CCNY: variants seen among roughly 807,000 people sequenced by gnomAD.
CCNY encodes the protein cyclin-Y.
A neutral mutation model predicts 42.8 loss-of-function variants in CCNY; 19 were observed. That is an observed-to-expected ratio of 0.44 (90% CI 0.31 to 0.65). CCNY has a LOEUF of 0.65. Among genes scored for constraint, CCNY ranks in the 30% least tolerant of loss-of-function variants. CCNY has a pLI of 0.07. For synonymous variants in CCNY, 165 were observed against 162.7 expected (o/e 1.01, Z -0.11); for missense variants, 370 against 437.3 (o/e 0.85, Z 1.37).
intron 1 of CCNY, among the ~76,000 whole-genome samples, chr10:35,418,987 A>C (rs1190432721): frequency 1.3e-5 from 2 of 151,876 alleles, no homozygotes; most frequent in South Asian, 2.1e-4. Flanking sequence ...CACCCAGCTA[A>C]TTTTTGTATT....
intron 7 of CCNY, among the ~76,000 whole-genome samples, chr10:35,549,086 C>A (rs1287962225): frequency 6.8e-6 from 1 of 146,360 alleles, no homozygotes; most frequent in Admixed American, 6.7e-5. Flanking sequence ...AACTCCGTGC[C>A]CCTCACCACC....
chr10:35,336,996 C>A lies in CCNY; in HGVS notation c.-58C>A, dbSNP rs1836052274. 3.0e-6 allele frequency: 4 copies of A among 1,312,930 alleles called. No homozygotes were observed. The East Asian group carries it at 1.2e-4, about 40-fold the overall frequency. The allele number at this position is 1,312,930 out of a possible 1,614,324, so 81.3% of individuals were successfully genotyped here. ...CGCCCGCGCCCCGCGTCCACCCGCG[C>A]CCCGCTCCCGGGGACTGGGAGAACA... On this transcript the variant is annotated 5_prime_UTR_variant, in exon 1 of 10. Coordinates refer to ENST00000374704, the MANE Select transcript of CCNY (RefSeq NM_145012.6).
chr10:35,330,759 T>TA (rs200353349), intron 3 of CCNY, among the ~76,000 whole-genome samples: 19 of 128,806 alleles, frequency 1.5e-4, no homozygotes, highest in African/African-American at 4.7e-4. Context: ...AGCTTTTATT[T>TA]TTTTTTTTTT....
chr10:35,385,457 T>C (rs1016471802), intron 1 of CCNY, among the ~76,000 whole-genome samples: 1 of 152,366 alleles, frequency 6.6e-6, no homozygotes, highest in South Asian at 2.1e-4. Context: ...GTGTGACCAC[T>C]TTAGTTTTTA....
At position 35,336,524 on chromosome 10, in the gene CCNY, G is replaced by A. The variant is rs929428781; in HGVS notation, c.-530G>A. ...GGCCGCCAGCATCCTCCCTGGCCGC[G>A]CCGCACCGCGCCGCGAGGAGTCCGG... On this transcript the variant is annotated 5_prime_UTR_variant, in exon 1 of 10. Coordinates refer to ENST00000374704, the MANE Select transcript of CCNY (RefSeq NM_145012.6). The A allele has an allele frequency of 6.7e-6, 1 of 149,216 alleles. No individual in the cohort carries two copies. Among genetic ancestry groups the A allele is most frequent in the African/African-American group, 2.4e-5 (1 of 41,036 alleles). The allele number at this position is 149,216 out of a possible 1,614,324, so 9.2% of individuals were successfully genotyped here.
At chr10:35,472,795 G>A (rs1045675014) in intron 1 of CCNY, among the ~76,000 whole-genome samples, 3 of 152,096 alleles carry the variant, frequency 2.0e-5, no homozygotes, top group Non-Finnish European at 4.4e-5. Context: ...ACCATTAATC[G>A]ACTGTAGCCC....
intron 7 of CCNY, among the ~76,000 whole-genome samples, chr10:35,547,159 T>C (rs1841132841): frequency 6.6e-6 from 1 of 152,178 alleles, no homozygotes; most frequent in African/African-American, 2.4e-5. Flanking sequence ...AGAATTCCAC[T>C]GAGCCTCACC....
chr10:35,547,952 T>G (rs1390084401), intron 7 of CCNY, among the ~76,000 whole-genome samples: 1 of 152,162 alleles, frequency 6.6e-6, no homozygotes, highest in African/African-American at 2.4e-5. Flanking sequence ...GTTTTCCATT[T>G]TATTATCAGT....
intron 9 of CCNY, among the ~76,000 whole-genome samples, chr10:35,566,921 C>T (rs893407652): frequency 2.0e-5 from 3 of 151,906 alleles, no homozygotes; most frequent in Non-Finnish European, 4.4e-5. Flanking sequence ...ATTATGTTGG[C>T]CAGGCTGGTC....
chr10:35,449,248 G>GT (rs1838860588), intron 1 of CCNY, among the ~76,000 whole-genome samples: 4 of 146,980 alleles, frequency 2.7e-5, no homozygotes, highest in Admixed American at 2.0e-4. Flanking sequence ...GCAGAGGTGT[G>GT]TGTGAGAAGG....
At chr10:35,553,248 C>T (rs1841297517) in intron 8 of CCNY, 63 bp downstream of exon 8, 6 of 1,557,174 alleles carry the variant, frequency 3.9e-6, no homozygotes, top group African/African-American at 1.4e-5. Flanking sequence ...GGAAAGAAAG[C>T]TGCCTCCTTT....
intron 5 of CCNY, among the ~76,000 whole-genome samples, chr10:35,528,674 G>A (rs189716649): frequency 9.2e-4 from 140 of 152,274 alleles, no homozygotes; most frequent in African/African-American, 3.1e-3. Context: ...GCAGTGAGCC[G>A]AGATTGCACC....
At chr10:35,561,818 G>A (rs1037910944) in intron 8 of CCNY, among the ~76,000 whole-genome samples, 1 of 152,236 alleles carries the variant, frequency 6.6e-6, no homozygotes, top group Admixed American at 6.5e-5. Flanking sequence ...ATCTGTGGGC[G>A]CAGGCTGAAG....
At chr10:35,537,011 G>A (rs945318305) in intron 7 of CCNY, among the ~76,000 whole-genome samples, 4 of 152,164 alleles carry the variant, frequency 2.6e-5, no homozygotes, top group Non-Finnish European at 5.9e-5. Flanking sequence ...CACAGGCCTG[G>A]AGGTCTAGGA....
intron 3 of CCNY, among the ~76,000 whole-genome samples, chr10:35,314,367 A>G (rs1589031542): frequency 6.6e-6 from 1 of 152,054 alleles, no homozygotes; most frequent in East Asian, 1.9e-4. Context: ...AAAAGGGGAA[A>G]CCCCTTATCA....
At chr10:35,319,494 A>G (rs778667183) in intron 3 of CCNY, among the ~76,000 whole-genome samples, 1 of 152,236 alleles carries the variant, frequency 6.6e-6, no homozygotes, top group African/African-American at 2.4e-5. Flanking sequence ...AAAACAAAAA[A>G]AGATTATAAT....
chr10:35,467,703 G>T (rs2135340229), intron 1 of CCNY, among the ~76,000 whole-genome samples: 1 of 152,278 alleles, frequency 6.6e-6, no homozygotes, highest in East Asian at 1.9e-4. Flanking sequence ...GATAGTAGGT[G>T]GATCCCAGTT....
At chr10:35,441,713 C>T (rs930618625) in intron 1 of CCNY, among the ~76,000 whole-genome samples, 1 of 152,178 alleles carries the variant, frequency 6.6e-6, no homozygotes, top group Non-Finnish European at 1.5e-5. Context: ...TGCCACTGCA[C>T]TCCAGCCTGG....
At chr10:35,521,838 T>G (rs1840554237) in intron 4 of CCNY, among the ~76,000 whole-genome samples, 1 of 152,116 alleles carries the variant, frequency 6.6e-6, no homozygotes, top group Non-Finnish European at 1.5e-5. Flanking sequence ...TTTCCCATCT[T>G]AGGTCCCTTG....
Sources: allele counts gnomAD v4.1 joint callset (sites outside exome capture counted in the v4.1 genomes callset), GRCh38; gene constraint gnomAD v4.1.1; transcripts MANE v1.5; gene names NCBI Gene and HGNC (gene_info 2026-07-23, HGNC 2026-07-21).